The following FARP1 variants were observed in gnomAD, a reference collection of about 807,000 sequenced individuals.
FARP1 encodes the protein FERM, ARH/RhoGEF and pleckstrin domain protein 1.
FARP1 carries 52 observed loss-of-function variants against 128.8 expected under a neutral mutation model. That is an observed-to-expected ratio of 0.40 (90% CI 0.32 to 0.51). The LOEUF is 0.51. Among genes scored for constraint, FARP1 ranks in the 20% least tolerant of loss-of-function variants. FARP1 has a pLI of 0.45. For synonymous variants in FARP1, 580 were observed against 551.8 expected (o/e 1.05, Z -0.72); for missense variants, 1,333 against 1,367.9 (o/e 0.97, Z 0.40).
At chr13:98,440,472 C>A (rs1892478523) in intron 23 of FARP1, among the ~76,000 whole-genome samples, 198 bp from the exon 24 acceptor site, 1 of 152,150 alleles carries the variant, frequency 6.6e-6, no homozygotes, top group Non-Finnish European at 1.5e-5. Flanking sequence ...GAGAGAACAT[C>A]AGGCTGTTTA....
intron 18 of FARP1, chr13:98,433,866 C>T (rs1467148375): frequency 1.3e-5 from 2 of 152,320 alleles, no homozygotes; most frequent in African/African-American, 2.4e-5. Flanking sequence ...TTGAGCTGAC[C>T]TCCTGTCCGC....
chr13:98,377,864 A>G lies in FARP1; in HGVS notation c.442A>G (p.Arg148Gly), dbSNP rs1889660093. The change falls in exon 6 of 27, where the codon AGG becomes GGG. Residue 148 changes from arginine (R) to glycine (G), a missense_variant. By Grantham distance (125) the Arg-to-Gly change is moderately radical. Transcript: ENST00000319562. ...GGTGAAGCAGGACTTGGCTCAAGGCAGGTTGACGTGTAATGACACCAGCGC... is the reference window on the plus strand; with the variant it reads ...GGTGAAGCAGGACTTGGCTCAAGGCGGGTTGACGTGTAATGACACCAGCGC... Reference protein sequence around the residue: ...LQVKQDLAQGRLTCNDTSAAL... With the variant: ...LQVKQDLAQGGLTCNDTSAAL... The G allele has an allele frequency of 6.2e-7, 1 of 1,614,066 alleles. No homozygotes were observed. Among genetic ancestry groups the G allele is most frequent in the Admixed American group, 1.7e-5 (1 of 60,022 alleles).
rs139376768 is a variant in FARP1, at chr13:98,420,383, C to T, written c.1827-4189C>T. Among the ~76,000 whole-genome samples, 10 of 152,272 alleles carry T rather than the reference C, an allele frequency of 6.6e-5. No individual in the cohort carries two copies. The East Asian group carries it at 1.2e-3, about 18-fold the overall frequency. ...GGAGGCAACCTTGCTGTTGGTCAGCCGCCCACCCACAGTTGGTCATTTTCA... is the reference window on the plus strand; with the variant it reads ...GGAGGCAACCTTGCTGTTGGTCAGCTGCCCACCCACAGTTGGTCATTTTCA... On this transcript the variant is annotated intron_variant, in intron 16 of 26. Transcript: ENST00000319562.
At chr13:98,346,292 C>T (rs1056938171) in intron 3 of FARP1, among the ~76,000 whole-genome samples, 1 of 148,214 alleles carries the variant, frequency 6.7e-6, no homozygotes, top group Non-Finnish European at 1.5e-5. Context: ...TGGGTTCAAG[C>T]AATTCTCCTG....
At chr13:98,278,466 TGTGA>T (rs777335960) in intron 2 of FARP1, among the ~76,000 whole-genome samples, 45 of 152,068 alleles carry the variant, frequency 3.0e-4, no homozygotes, top group Non-Finnish European at 5.4e-4. Flanking sequence ...GTTGCAAGTG[TGTGA>T]GTGAGTGTGT....
At chr13:98,313,372 G>T (rs375753174) in intron 2 of FARP1, among the ~76,000 whole-genome samples, 1 of 151,992 alleles carries the variant, frequency 6.6e-6, no homozygotes, top group South Asian at 2.1e-4. Flanking sequence ...GGAGAAGGCC[G>T]TGTGATGATG....
chr13:98,249,554 T>G (rs980174226), intron 2 of FARP1, among the ~76,000 whole-genome samples: 3 of 152,302 alleles, frequency 2.0e-5, no homozygotes, highest in African/African-American at 4.8e-5. Context: ...GCAACAGAGA[T>G]ATTTTGGCAG....
At chr13:98,351,263 G>A (rs1245062120) in intron 3 of FARP1, among the ~76,000 whole-genome samples, 1 of 152,162 alleles carries the variant, frequency 6.6e-6, no homozygotes, top group East Asian at 1.9e-4. Context: ...AAATGTGCTT[G>A]TGTTAGGCCA....
chr13:98,383,417 G>A (rs1307022418), intron 6 of FARP1, among the ~76,000 whole-genome samples: 1 of 152,228 alleles, frequency 6.6e-6, no homozygotes, highest in Non-Finnish European at 1.5e-5. Context: ...GGTTCTTCCA[G>A]TGCACCGGCT....
rs140525790 is a variant in FARP1, at chr13:98,145,861, CAA to C, written c.-24+2386_-24+2387del. On this transcript the variant is annotated intron_variant, in intron 1 of 26. Transcript: ENST00000319562. ...TGGGCAACAGAGTGAGACTCTGTCT[CAA>C]AAAAAAAAAAAAAAAAGAGAAAAAA... Among the ~76,000 whole-genome samples, 483 of 131,192 alleles carry C rather than the reference CAA, an allele frequency of 3.7e-3. 2 individuals carry two copies. Among genetic ancestry groups the C allele is most frequent in the African/African-American group, 0.012 (399 of 33,266 alleles). 86.1% of individuals were successfully genotyped at this position (131,192 alleles called of 152,430 possible).
intron 1 of FARP1, among the ~76,000 whole-genome samples, chr13:98,193,889 T>G (rs1415894597): frequency 1.3e-5 from 2 of 152,194 alleles, no homozygotes; most frequent in African/African-American, 4.8e-5. Flanking sequence ...GTCCTTTTAT[T>G]TATAACAGTC....
chr13:98,351,623 A>G lies in FARP1; in HGVS notation c.276+7757A>G, dbSNP rs530145454. Among the ~76,000 whole-genome samples, 25 of 151,982 alleles carry G rather than the reference A, an allele frequency of 1.6e-4. No homozygotes were observed. In the East Asian group the frequency reaches 2.1e-3, roughly 13 times the overall value. On this transcript the variant is annotated intron_variant, in intron 3 of 26. Transcript: ENST00000319562. The stretch of plus-strand genomic sequence containing the variant: ...CAAGACTCCATCTAAAAAAAAAAAA[A>G]AAAGAAAGAAAAAAAGAAAAGAGGT...
chr13:98,384,707 T>G (rs1331994439), intron 6 of FARP1, 23 bp from the exon 7 acceptor site: 2 of 1,483,796 alleles, frequency 1.3e-6, no homozygotes, highest in Non-Finnish European at 1.9e-6. Context: ...ACGTGACCTG[T>G]TTTTCTTTCT....
In FARP1 at chr13:98,316,408, G is replaced by A. The variant is rs566765176; in HGVS notation, c.172-27354G>A. Among the ~76,000 whole-genome samples, 283 of 152,316 alleles carry A rather than the reference G, an allele frequency of 1.9e-3. 1 individual carries two copies. Among genetic ancestry groups the A allele is most frequent in the Non-Finnish European group, 3.0e-3 (203 of 68,022 alleles). On this transcript the variant is annotated intron_variant, in intron 2 of 26. Transcript: ENST00000319562. ...TTGGATCATCCCAAATTTTGTAGATGTGGAAACAAAGGCATAGAGAGGTTA... is the reference window on the plus strand; with the variant it reads ...TTGGATCATCCCAAATTTTGTAGATATGGAAACAAAGGCATAGAGAGGTTA...
In FARP1 at chr13:98,446,163, G is replaced by C. The variant is rs141304303; in HGVS notation, c.2862G>C (p.Val954=). The C allele has an allele frequency of 1.1e-5, 18 of 1,614,006 alleles. No homozygotes were observed. The African/African-American group carries it at 2.3e-4, about 20-fold the overall frequency. Reference sequence around the variant, plus strand: ...GCAACGGGTGGCAGAAGCTGTGGGTGGTGTTCACAAACTTCTGCCTGTTCT... The same window carrying C: ...GCAACGGGTGGCAGAAGCTGTGGGTCGTGTTCACAAACTTCTGCCTGTTCT... ...KNSNGWQKLW[V]VFTNFCLFFY... Residue 954 remains valine (V), a synonymous_variant, in exon 25 of 27, where the codon GTG becomes GTC. Transcript: ENST00000319562.
chr13:98,266,514 C>T (rs1170017472), intron 2 of FARP1, among the ~76,000 whole-genome samples: 2 of 152,184 alleles, frequency 1.3e-5, no homozygotes, highest in Non-Finnish European at 2.9e-5. Flanking sequence ...CTGGTGTGAA[C>T]ATTAACCCAG....
At chr13:98,417,224 C>T (rs533617916) in intron 16 of FARP1, among the ~76,000 whole-genome samples, 1 of 152,074 alleles carries the variant, frequency 6.6e-6, no homozygotes, top group East Asian at 1.9e-4. Flanking sequence ...TAAAGTGCTC[C>T]AAACAGTTGG....
In FARP1 at chr13:98,287,204, AT is replaced by A. The variant is rs1885214642; in HGVS notation, c.172-56557del. Among the ~76,000 whole-genome samples the A allele has an allele frequency of 8.7e-5, 10 of 114,844 alleles. No individual in the cohort carries two copies. The South Asian group carries it at 1.1e-3, about 12-fold the overall frequency. The allele number at this position is 114,844 out of a possible 152,430, so 75.3% of individuals were successfully genotyped here. The stretch of plus-strand genomic sequence containing the variant: ...GTCCTTTCCAAATTAACCATCAGAC[AT>A]GTCTTTTTTTTTTTTTTTTTTTTTT... On this transcript the variant is annotated intron_variant, in intron 2 of 26. Transcript: ENST00000319562.
At chr13:98,269,656 T>C (rs1884294410) in intron 2 of FARP1, among the ~76,000 whole-genome samples, 1 of 152,268 alleles carries the variant, frequency 6.6e-6, no homozygotes, top group African/African-American at 2.4e-5. Context: ...CAGTGACTGC[T>C]CATTCTTGAC....
Sources: allele counts gnomAD v4.1 joint callset (sites outside exome capture counted in the v4.1 genomes callset), GRCh38; gene constraint gnomAD v4.1.1; transcripts MANE v1.5; gene names NCBI Gene and HGNC (gene_info 2026-07-23, HGNC 2026-07-21).